Variants in IQUB observed in about 807,000 individuals in gnomAD.
The protein encoded by IQUB is IQ motif and ubiquitin-like domain-containing protein.
A neutral mutation model predicts 86.4 loss-of-function variants in IQUB; 86 were observed. The ratio of observed to expected loss-of-function variants is 1.00; its 90% CI spans 0.84 to 1.19. IQUB has a LOEUF of 1.19. Among genes scored for constraint, IQUB ranks in the 50% most tolerant of loss-of-function variants. IQUB has a pLI of 0.00. For missense variants in IQUB, 946 were observed against 916.9 expected (o/e 1.03, Z -0.41); for synonymous variants, 289 against 304.5 (o/e 0.95, Z 0.53).
chr7:123,481,096 C>T (rs990004566), intron 7 of IQUB, among the ~76,000 whole-genome samples: 3 of 152,066 alleles, frequency 2.0e-5, no homozygotes, highest in African/African-American at 7.2e-5. Context: ...TTCAACCCCA[C>T]CTTTAAGAAA....
At chr7:123,466,830 T>C (rs1362291937) in intron 9 of IQUB, among the ~76,000 whole-genome samples, 2 of 152,158 alleles carry the variant, frequency 1.3e-5, no homozygotes, top group Non-Finnish European at 2.9e-5. Flanking sequence ...CATTACAATA[T>C]CTATGCCTAT....
At chr7:123,480,579 G>A (rs1249853688) in intron 7 of IQUB, among the ~76,000 whole-genome samples, 1 of 151,978 alleles carries the variant, frequency 6.6e-6, no homozygotes, top group Non-Finnish European at 1.5e-5. Flanking sequence ...CAACTGATGA[G>A]GTGTCAAATC....
At chr7:123,513,181 GAA>G (rs1412375971) in intron 1 of IQUB, among the ~76,000 whole-genome samples, 1 of 152,072 alleles carries the variant, frequency 6.6e-6, no homozygotes, top group Non-Finnish European at 1.5e-5. Flanking sequence ...TCTTTATGGA[GAA>G]AATAAATTCA....
At chr7:123,475,417 T>A (rs1418398934) in intron 8 of IQUB, among the ~76,000 whole-genome samples, 1 of 140,622 alleles carries the variant, frequency 7.1e-6, no homozygotes, top group East Asian at 2.2e-4. Flanking sequence ...ATGAAGACCA[T>A]CTTAGAGTGC....
intron 1 of IQUB, among the ~76,000 whole-genome samples, chr7:123,524,301 G>C (rs1338308886): frequency 7.0e-6 from 1 of 142,154 alleles, no homozygotes; most frequent in Non-Finnish European, 1.5e-5. Context: ...GGGCAGTATG[G>C]CCATTTTCAC....
intron 12 of IQUB, among the ~76,000 whole-genome samples, chr7:123,453,755 T>TA (rs1319022972): frequency 6.6e-6 from 1 of 152,188 alleles, no homozygotes; most frequent in African/African-American, 2.4e-5. Flanking sequence ...TAAATCATTA[T>TA]AAATTGCTTT....
chr7:123,519,327 A>C (rs1041539720), intron 1 of IQUB, among the ~76,000 whole-genome samples: 1 of 152,224 alleles, frequency 6.6e-6, no homozygotes, highest in African/African-American at 2.4e-5. Flanking sequence ...AAAAGAAAGG[A>C]AATCAGCATA....
intron 1 of IQUB, among the ~76,000 whole-genome samples, chr7:123,527,500 A>T: frequency 6.6e-6 from 1 of 152,228 alleles, no homozygotes; most frequent in African/African-American, 2.4e-5. Context: ...TTTGGTGTGG[A>T]TGTCCTTTCT....
chr7:123,504,598 G>C (rs947022996), intron 3 of IQUB, among the ~76,000 whole-genome samples: 3 of 151,978 alleles, frequency 2.0e-5, no homozygotes, highest in Non-Finnish European at 4.4e-5. Context: ...AGTGAAGGAG[G>C]AGGTGCTACA....
At chr7:123,457,596 T>A in intron 11 of IQUB, 30 bp from the exon 12 acceptor site, 1 of 1,526,794 alleles carries the variant, frequency 6.5e-7, no homozygotes, top group Non-Finnish European at 8.9e-7. Flanking sequence ...TTAAAAACAA[T>A]GTAGTTTAAA....
chr7:123,523,861 A>C (rs1308682850), intron 1 of IQUB, among the ~76,000 whole-genome samples: 2 of 152,272 alleles, frequency 1.3e-5, no homozygotes, highest in East Asian at 3.9e-4. Flanking sequence ...TCTTTAATCC[A>C]TCTTGAATTG....
At chr7:123,517,431 T>C (rs1796692105) in intron 1 of IQUB, among the ~76,000 whole-genome samples, 1 of 142,794 alleles carries the variant, frequency 7.0e-6, no homozygotes, top group South Asian at 2.2e-4. Context: ...CTCGGGAGGC[T>C]GAGGCAAGAG....
chr7:123,522,870 C>T (rs1796978678), intron 1 of IQUB, among the ~76,000 whole-genome samples: 1 of 117,154 alleles, frequency 8.5e-6, no homozygotes, highest in African/African-American at 3.3e-5. Flanking sequence ...CACCCCACAA[C>T]AGTCCCCAGA....
intron 3 of IQUB, among the ~76,000 whole-genome samples, chr7:123,506,638 G>A (rs915931029): frequency 2.6e-5 from 4 of 151,924 alleles, no homozygotes; most frequent in African/African-American, 9.7e-5. Flanking sequence ...ACAACAAGGG[G>A]GAAATCTGCC....
intron 7 of IQUB, among the ~76,000 whole-genome samples, chr7:123,492,221 G>A (rs1213608267): frequency 6.6e-6 from 1 of 152,174 alleles, no homozygotes; most frequent in Admixed American, 6.6e-5. Context: ...ATAGTAGCCT[G>A]AATGGACTAC....
At chr7:123,524,601 C>T (rs1288677030) in intron 1 of IQUB, among the ~76,000 whole-genome samples, 1 of 150,572 alleles carries the variant, frequency 6.6e-6, no homozygotes, top group Non-Finnish European at 1.5e-5. Flanking sequence ...AGAGTTTGGG[C>T]TGAGACAATG....
At chr7:123,499,594 T>C (rs1795851852) in intron 6 of IQUB, among the ~76,000 whole-genome samples, 1 of 152,136 alleles carries the variant, frequency 6.6e-6, no homozygotes, top group Admixed American at 6.6e-5. Flanking sequence ...GTGAAAATCC[T>C]GACAGCTTCT....
chr7:123,520,409 C>T (rs1373609306), intron 1 of IQUB, among the ~76,000 whole-genome samples: 1 of 152,062 alleles, frequency 6.6e-6, no homozygotes, highest in Non-Finnish European at 1.5e-5. Context: ...AAGAAGGTGG[C>T]TAGGAAGTAT....
Position 123,457,395 on chromosome 7 carries a change from T to G in IQUB, c.2179A>C (p.Thr727Pro). 6.2e-7 allele frequency: 1 copy of G among 1,611,332 alleles called. No homozygotes were observed. Reference sequence around the variant, plus strand: ...AACTTTCTTACCTCTTCAATACTTGTTAGCTTGAGATGAGCAGCTGCTTCA... The same window carrying G: ...AACTTTCTTACCTCTTCAATACTTGGTAGCTTGAGATGAGCAGCTGCTTCA... ...KDEAAAHLKL[T>P]SIEEGYERSF... The change falls in exon 12 of 13, where the codon ACA becomes CCA. Residue 727 changes from threonine (T) to proline (P), a missense_variant. By Grantham distance (38) the Thr-to-Pro change is conservative. Coordinates refer to ENST00000324698, the MANE Select transcript of IQUB (RefSeq NM_178827.5).
Sources: gnomAD v4.1 joint callset for allele counts (sites outside exome capture counted in the v4.1 genomes callset) on GRCh38, gnomAD v4.1.1 for gene constraint, MANE v1.5 for transcripts, NCBI Gene and HGNC (gene_info 2026-07-23, HGNC 2026-07-21) for gene names.